The following ZNF385D variants were observed in gnomAD, a reference collection of about 807,000 sequenced individuals.
ZNF385D encodes the protein zinc finger protein 385D.
A neutral mutation model predicts 35.8 loss-of-function variants in ZNF385D; 15 were observed. That is an observed-to-expected ratio of 0.42 (90% CI 0.28 to 0.64). The LOEUF (loss-of-function observed/expected upper bound fraction) is 0.64, where lower values mean the gene tolerates loss of function less well. Ranked by LOEUF, ZNF385D falls within the 30% of genes least tolerant of loss-of-function variation. The pLI, the probability that ZNF385D is intolerant of heterozygous loss-of-function variation, is 0.23. For missense variants in ZNF385D, 474 were observed against 494.6 expected, an observed-to-expected ratio of 0.96 and a Z score of 0.39; for synonymous variants, 212 against 186.8, an observed-to-expected ratio of 1.13 and a Z score of -1.10.
At chr3:22,151,845 CTCAG>C (rs1417444442) in intron 3 of ZNF385D, among the ~76,000 whole-genome samples, 9 of 152,282 alleles carry the variant, frequency 5.9e-5, no homozygotes, top group East Asian at 1.9e-4. Flanking sequence ...ATTTACCTCA[CTCAG>C]TAACTTTTTA....
At chr3:22,193,774 A>G (rs1047670313) in intron 2 of ZNF385D, among the ~76,000 whole-genome samples, 1 of 152,034 alleles carries the variant, frequency 6.6e-6, no homozygotes, top group African/African-American at 2.4e-5. Context: ...GTTTTGGGAA[A>G]TTCTAGGGTA....
intron 3 of ZNF385D, among the ~76,000 whole-genome samples, chr3:21,818,518 T>C (rs1247916171): frequency 6.6e-6 from 1 of 152,172 alleles, no homozygotes. Context: ...TGTTAATTTT[T>C]AAATAAAAAG....
At chr3:22,224,131 A>G (rs1000640639) in intron 2 of ZNF385D, among the ~76,000 whole-genome samples, 3 of 152,232 alleles carry the variant, frequency 2.0e-5, no homozygotes, top group Non-Finnish European at 1.5e-5. Context: ...TGACCCTCAA[A>G]AGAAAGAATG....
At chr3:21,918,628 G>A (rs879383891) in intron 3 of ZNF385D, among the ~76,000 whole-genome samples, 3 of 152,110 alleles carry the variant, frequency 2.0e-5, no homozygotes, top group Non-Finnish European at 4.4e-5. Flanking sequence ...ATAGCAGAGG[G>A]TATTACATGG....
intron 1 of ZNF385D, among the ~76,000 whole-genome samples, chr3:21,736,168 TA>T (rs1234113185): frequency 6.6e-6 from 1 of 152,180 alleles, no homozygotes; most frequent in Non-Finnish European, 1.5e-5. Context: ...ATCTAGTCAT[TA>T]AAACAACAGC....
chr3:22,360,107 G>C (rs1029033029), intron 2 of ZNF385D, among the ~76,000 whole-genome samples: 1 of 151,934 alleles, frequency 6.6e-6, no homozygotes, highest in African/African-American at 2.4e-5. Flanking sequence ...TAATGGTTGT[G>C]ATGTTTTCTT....
rs554609762 is a variant in ZNF385D, at chr3:22,157,977, T to C, written c.325+10840A>G. ...CCCTGGGAATAACTCTAATCTCACGTATTTTTAAATTAGTGAGTAAGCAAA... is the reference window on the plus strand; with the variant it reads ...CCCTGGGAATAACTCTAATCTCACGCATTTTTAAATTAGTGAGTAAGCAAA... On this transcript the variant is annotated intron_variant, in intron 3 of 5. Coordinates refer to the ZNF385D transcript ENST00000494108. Among the ~76,000 whole-genome samples the C allele has an allele frequency of 7.9e-5, 12 of 152,242 alleles. 1 individual carries two copies. The highest frequency in any genetic ancestry group is 2.9e-4 in the African/African-American group (12 of 41,560).
intron 3 of ZNF385D, among the ~76,000 whole-genome samples, chr3:21,991,974 T>C (rs529707371): frequency 6.6e-6 from 1 of 152,328 alleles, no homozygotes; most frequent in South Asian, 2.1e-4. Flanking sequence ...TCTTGGCTTA[T>C]CTACTATCTG....
chr3:21,978,530 C>G (rs979877431), intron 3 of ZNF385D, among the ~76,000 whole-genome samples: 1 of 152,146 alleles, frequency 6.6e-6, no homozygotes, highest in Non-Finnish European at 1.5e-5. Flanking sequence ...TAAATTGTCT[C>G]AGAGCTTAGA....
intron 2 of ZNF385D, among the ~76,000 whole-genome samples, chr3:21,660,701 C>T (rs1462138303): frequency 8.5e-5 from 13 of 152,198 alleles, no homozygotes; most frequent in Admixed American, 8.5e-4. Flanking sequence ...AACCCAAAGT[C>T]TGGCCCAAGC....
rs546409434 is a variant in ZNF385D, at chr3:22,333,333, G to T, written c.106+39117C>A. Reference sequence around the variant, plus strand: ...CATAGGTTTATTCACCAAATTTAAGGAGTTTTCCATCATTATTTCTTCACA... The same window carrying T: ...CATAGGTTTATTCACCAAATTTAAGTAGTTTTCCATCATTATTTCTTCACA... On this transcript the variant is annotated intron_variant, in intron 2 of 5. Coordinates refer to the ZNF385D transcript ENST00000494108. Among the ~76,000 whole-genome samples, 4 of 152,144 alleles carry T rather than the reference G, an allele frequency of 2.6e-5. No individual in the cohort carries two copies. In the South Asian group the frequency reaches 8.3e-4, roughly 32 times the overall value.
intron 3 of ZNF385D, among the ~76,000 whole-genome samples, chr3:21,933,999 T>C (rs1048576468): frequency 4.6e-5 from 4 of 86,178 alleles, no homozygotes; most frequent in East Asian, 3.2e-4. Context: ...AGTAACTCAC[T>C]GGTAATTAAA....
intron 4 of ZNF385D, among the ~76,000 whole-genome samples, chr3:21,503,182 A>G (rs1575064439): frequency 6.6e-6 from 1 of 152,308 alleles, no homozygotes; most frequent in East Asian, 1.9e-4. Context: ...ACTGATTATG[A>G]AGACTTGGAA....
chr3:22,145,252 T>G (rs917216283), intron 3 of ZNF385D, among the ~76,000 whole-genome samples: 1 of 152,204 alleles, frequency 6.6e-6, no homozygotes, highest in Non-Finnish European at 1.5e-5. Flanking sequence ...AGTTATTAGG[T>G]TGGTGCATTA....
Position 21,894,431 on chromosome 3 carries a change from T to A in ZNF385D, c.326-229403A>T, listed in dbSNP as rs1699031398. On this transcript the variant is annotated intron_variant, in intron 3 of 5. Transcript: ENST00000494108. Reference sequence around the variant, plus strand: ...GTTTGAAGCCAAAAACATCCCTGAGTTTTAAACTTTCTAATTCTTTCTGAT... The same window carrying A: ...GTTTGAAGCCAAAAACATCCCTGAGATTTAAACTTTCTAATTCTTTCTGAT... Among the ~76,000 whole-genome samples the A allele has an allele frequency of 2.6e-5, 4 of 152,074 alleles. 1 individual carries two copies. In the South Asian group the frequency reaches 8.3e-4, roughly 31 times the overall value.
At chr3:22,286,551 C>T (rs1475954814) in intron 2 of ZNF385D, among the ~76,000 whole-genome samples, 3 of 152,034 alleles carry the variant, frequency 2.0e-5, no homozygotes, top group South Asian at 4.1e-4. Flanking sequence ...ATAAAATTCC[C>T]GCTTAGCACT....
intron 4 of ZNF385D, among the ~76,000 whole-genome samples, chr3:21,499,358 C>G (rs1706192345): frequency 6.6e-6 from 1 of 152,082 alleles, no homozygotes; most frequent in Non-Finnish European, 1.5e-5. Context: ...GGCCATTATC[C>G]TAAGCGAACT....
intron 3 of ZNF385D, among the ~76,000 whole-genome samples, chr3:21,927,481 TTAAA>T (rs1186802838): frequency 6.6e-6 from 1 of 152,120 alleles, no homozygotes; most frequent in Non-Finnish European, 1.5e-5. Context: ...TGGTAAATGA[TTAAA>T]TAAATGATAG....
rs61306294 is a variant in ZNF385D, at chr3:21,453,245, G to A, written c.440-16042C>T. Among the ~76,000 whole-genome samples the A allele has an allele frequency of 1.5e-3, 226 of 151,838 alleles. 2 individuals are homozygous for A. Among genetic ancestry groups the A allele is most frequent in the African/African-American group, 5.3e-3 (219 of 41,482 alleles). ...AAATGGATCAGTAACCTAAATGTAG[G>A]AGGAAAAACTATAACGCTCTTAGAA... On this transcript the variant is annotated intron_variant, in intron 4 of 7. Coordinates refer to ENST00000281523, the MANE Select transcript of ZNF385D (RefSeq NM_024697.3).
Sources: gnomAD v4.1 joint callset for allele counts (sites outside exome capture counted in the v4.1 genomes callset) on GRCh38, gnomAD v4.1.1 for gene constraint, MANE v1.5 for transcripts, NCBI Gene and HGNC (gene_info 2026-07-23, HGNC 2026-07-21) for gene names.